Variants in MROH2B observed in about 807,000 individuals in gnomAD.
The protein encoded by MROH2B is maestro heat like repeat family member 2B.
MROH2B carries 177 observed loss-of-function variants against 208.6 expected under a neutral mutation model. The observed-to-expected ratio is 0.85, with a 90% CI of 0.75 to 0.96. The LOEUF is 0.96. Among genes scored for constraint, MROH2B ranks in the 40% least tolerant of loss-of-function variants. The probability of loss-of-function intolerance (pLI) is 0.00; values close to 1 mark genes in which losing one functional copy is unlikely to be tolerated. For missense variants in MROH2B, 2,002 were observed against 1,878.7 expected (o/e 1.07, Z -1.21); for synonymous variants, 728 against 659.0 (o/e 1.10, Z -1.60).
intron 24 of MROH2B, among the ~76,000 whole-genome samples, chr5:41,031,327 T>A (rs1742561828): frequency 6.6e-6 from 1 of 152,002 alleles, no homozygotes; most frequent in South Asian, 2.1e-4. Context: ...TCACTCACTA[T>A]CATGAGAACA....
chr5:41,038,813 G>A lies in MROH2B; in HGVS notation c.2137C>T (p.Pro713Ser), dbSNP rs755447092. Reference protein sequence around the residue: ...VIYGAVALHAPKKQLLSRLNQ... With the variant: ...VIYGAVALHASKKQLLSRLNQ... ...AGTCTGGAGAGAAGTTGCTTCTTGG[G>A]AGCATGGAGGGCCACTGCTCCATAG... Residue 713 changes from proline (P) to serine (S), a missense_variant, in exon 21 of 42, where the codon CCC (proline) becomes TCC (serine). By Grantham distance (74) the Pro-to-Ser change is moderately conservative (BLOSUM62 -1). Transcript: ENST00000399564. 1.1e-5 allele frequency: 18 copies of A among 1,613,490 alleles called. No individual in the cohort carries two copies. The African/African-American group carries it at 2.1e-4, about 19-fold the overall frequency.
intron 21 of MROH2B, among the ~76,000 whole-genome samples, chr5:41,036,877 A>G (rs1167888324): frequency 1.3e-5 from 2 of 152,196 alleles, no homozygotes; most frequent in African/African-American, 4.8e-5. Context: ...AAAAGAGTGT[A>G]TCACTGATGG....
chr5:41,038,671 CT>C, intron 21 of MROH2B, 64 bp downstream of exon 21: 1 of 1,504,634 alleles, frequency 6.6e-7, no homozygotes, highest in Non-Finnish European at 8.9e-7. Flanking sequence ...TTCCCAGGGA[CT>C]GAGCCCCTGC....
At chr5:41,054,168 C>T (rs909536005) in intron 11 of MROH2B, among the ~76,000 whole-genome samples, 5 of 151,998 alleles carry the variant, frequency 3.3e-5, no homozygotes, top group African/African-American at 9.7e-5. Flanking sequence ...TTAGTAGAGA[C>T]GGGGTTTCAC....
At chr5:41,032,687 G>A in intron 24 of MROH2B, 55 bp downstream of exon 24, 1 of 1,414,362 alleles carries the variant, frequency 7.1e-7, no homozygotes, top group Non-Finnish European at 9.9e-7. Flanking sequence ...AGTTGATCAG[G>A]AGGAGGATAA....
chr5:41,008,770 C>A lies in MROH2B; in HGVS notation c.3444G>T (p.Val1148=). The A allele has an allele frequency of 2.5e-6, 4 of 1,613,386 alleles. 1 individual carries two copies. The South Asian group carries it at 4.4e-5, about 18-fold the overall frequency. Residue 1148 remains valine (V), a synonymous_variant, in exon 33 of 42, where the codon GTG becomes GTT. Transcript: ENST00000399564. ...CGGTGACAGAGGTGCCCATTGAGAT[C>A]ACTTCATACATAGCACAGGCCACCT... ...AISVACAMYE[V]ISMGTSVTGL...
chr5:41,043,339 A>G (rs1296173617), intron 18 of MROH2B, among the ~76,000 whole-genome samples: 1 of 152,230 alleles, frequency 6.6e-6, no homozygotes, highest in East Asian at 1.9e-4. Context: ...AGTCCCTATA[A>G]TAAGGAAATT....
At chr5:41,031,386 C>A (rs1454310647) in intron 24 of MROH2B, among the ~76,000 whole-genome samples, 2 of 152,064 alleles carry the variant, frequency 1.3e-5, no homozygotes, top group Non-Finnish European at 2.9e-5. Context: ...GCCTTTGACA[C>A]GTGGAGATTA....
At chr5:41,058,846 A>G (rs1451045882) in intron 6 of MROH2B, among the ~76,000 whole-genome samples, 1 of 152,000 alleles carries the variant, frequency 6.6e-6, no homozygotes, top group Non-Finnish European at 1.5e-5. Context: ...TAGGAGATGA[A>G]GACCAGCCTG....
chr5:41,000,898 T>C lies in MROH2B; in HGVS notation c.4195-65A>G. On this transcript the variant is annotated intron_variant, in intron 37 of 41. Coordinates refer to ENST00000399564, the MANE Select transcript of MROH2B (RefSeq NM_173489.5). ...GAGGCCATTCCCTGCTAGCACACTC[T>C]TGGCTCTCATCCCACCCTTCCCGCT... 1.3e-6 allele frequency: 2 copies of C among 1,512,232 alleles called. 1 individual carries two copies. Among genetic ancestry groups the C allele is most frequent in the South Asian group, 2.6e-5 (2 of 75,920 alleles). The allele number at this position is 1,512,232 out of a possible 1,614,324, so 93.7% of individuals were successfully genotyped here.
Position 41,039,502 on chromosome 5 carries a change from T to C in MROH2B, c.2007A>G (p.Leu669=). The change falls in exon 20 of 42, where the codon TTA becomes TTG. Residue 669 remains leucine, a synonymous_variant. Coordinates refer to ENST00000399564, the MANE Select transcript of MROH2B (RefSeq NM_173489.5). ...GATTTTGGAATGTTTTAAGAACTTT[T>C]AAAACAATATCCAAATGGTTCTCGG... The part of the protein sequence containing the change: ...YCAENHLDIV[L]KVLKTFQNQE... 1 of 1,607,988 alleles carries C rather than the reference T, an allele frequency of 6.2e-7. No individual in the cohort carries two copies.
chr5:41,017,098 T>A (rs1416765487), intron 28 of MROH2B, among the ~76,000 whole-genome samples: 1 of 152,160 alleles, frequency 6.6e-6, no homozygotes, highest in Non-Finnish European at 1.5e-5. Context: ...GTGTGGAACA[T>A]AGGCAGGCAT....
rs115372991 is a variant in MROH2B, at chr5:41,069,530, A to G, written c.90+161T>C. On this transcript the variant is annotated intron_variant, in intron 2 of 41. Transcript: ENST00000399564. ...TTGAAATGCCAAATATCATTGCTTAAACATTACAATGACTTTCATTACAAC... is the reference window on the plus strand; with the variant it reads ...TTGAAATGCCAAATATCATTGCTTAGACATTACAATGACTTTCATTACAAC... Among the ~76,000 whole-genome samples, 499 of 152,292 alleles carry G rather than the reference A, an allele frequency of 3.3e-3. 2 individuals carry two copies. The highest frequency in any genetic ancestry group is 0.012 in the African/African-American group (478 of 41,554).
chr5:41,046,952 C>T (rs903893158), intron 17 of MROH2B, among the ~76,000 whole-genome samples: 2 of 152,116 alleles, frequency 1.3e-5, no homozygotes, highest in African/African-American at 2.4e-5. Context: ...TCAGGTACCA[C>T]CCCCAGAGAT....
At chr5:41,066,320 C>T (rs527819956) in intron 3 of MROH2B, among the ~76,000 whole-genome samples, 2 of 152,238 alleles carry the variant, frequency 1.3e-5, no homozygotes, top group African/African-American at 4.8e-5. Context: ...AAAATATATA[C>T]TCATAAAACC....
intron 27 of MROH2B, 27 bp from the exon 28 acceptor site, chr5:41,017,997 G>A: frequency 6.4e-7 from 1 of 1,563,772 alleles, no homozygotes; most frequent in Non-Finnish European, 8.7e-7. Context: ...GCATCCTATT[G>A]TGATGGGGTA....
chr5:41,048,089 C>T (rs1474650291), intron 16 of MROH2B: 1 of 481,670 alleles, frequency 2.1e-6, no homozygotes, highest in East Asian at 3.4e-5. Context: ...AAGACGAGAG[C>T]AAAAGTAAAA....
intron 24 of MROH2B, among the ~76,000 whole-genome samples, chr5:41,029,254 G>T (rs988048628): frequency 1.3e-5 from 2 of 151,942 alleles, no homozygotes; most frequent in African/African-American, 4.8e-5. Flanking sequence ...TTGCCTTTTA[G>T]CCATTTGCAT....
chr5:41,070,881 A>G lies in MROH2B; in HGVS notation c.-29T>C, dbSNP rs1211042741. On this transcript the variant is annotated 5_prime_UTR_variant, in exon 1 of 42. Transcript: ENST00000399564. ...TTGGCTGTTTCAGGGTCTCTAAAAG[A>G]TAGCACCTAAGTATTAGAAATAGTA... 1.9e-6 allele frequency: 3 copies of G among 1,607,168 alleles called. No homozygotes were observed. Among genetic ancestry groups the G allele is most frequent in the South Asian group, 1.1e-5 (1 of 89,892 alleles).
Sources: allele counts gnomAD v4.1 joint callset (sites outside exome capture counted in the v4.1 genomes callset), GRCh38; gene constraint gnomAD v4.1.1; transcripts MANE v1.5; gene names NCBI Gene and HGNC (gene_info 2026-07-23, HGNC 2026-07-21).